CSMD2: variants seen among roughly 807,000 people sequenced by gnomAD.
CSMD2 encodes the protein CUB and Sushi multiple domains 2, also known as CUB and sushi domain-containing protein 2.
Under a neutral mutation model 398.5 loss-of-function variants are expected in CSMD2, and 130 were observed. The ratio of observed to expected loss-of-function variants is 0.33; its 90% CI spans 0.28 to 0.38. CSMD2 has a LOEUF of 0.38. Among genes scored for constraint, CSMD2 ranks in the 10% least tolerant of loss-of-function variants. The pLI, the probability that CSMD2 is intolerant of heterozygous loss-of-function variation, is 1.00. For missense variants in CSMD2, 3,829 were observed against 4,764.9 expected, an observed-to-expected ratio of 0.80 and a Z score of 5.78; for synonymous variants, 1,828 against 1,908.5, an observed-to-expected ratio of 0.96 and a Z score of 1.10.
intron 3 of CSMD2, among the ~76,000 whole-genome samples, chr1:33,952,672 G>GTT (rs1488130969): frequency 7.0e-6 from 1 of 143,620 alleles, no homozygotes; most frequent in East Asian, 2.0e-4. Flanking sequence ...TGTTTTTGTT[G>GTT]TTTACACACA....
At chr1:33,892,588 T>A (rs955016382) in intron 5 of CSMD2, among the ~76,000 whole-genome samples, 17 of 152,206 alleles carry the variant, frequency 1.1e-4, no homozygotes, top group Non-Finnish European at 2.2e-4. Context: ...TTTCCACTCC[T>A]GAGCTACTCC....
At chr1:33,966,386 G>A (rs1645558931) in intron 3 of CSMD2, among the ~76,000 whole-genome samples, 1 of 152,204 alleles carries the variant, frequency 6.6e-6, no homozygotes. Flanking sequence ...CAATTATGCT[G>A]AGGCTTAAAT....
At chr1:33,885,400 A>C (rs1033727) in intron 5 of CSMD2, 1 of 152,078 alleles carries the variant, frequency 6.6e-6, no homozygotes, top group Non-Finnish European at 1.5e-5. Flanking sequence ...TGAACTTAAG[A>C]CCCAGCCACT....
At chr1:33,686,476 A>G (rs1276492841) in intron 25 of CSMD2, among the ~76,000 whole-genome samples, 1 of 152,154 alleles carries the variant, frequency 6.6e-6, no homozygotes, top group African/African-American at 2.4e-5. Flanking sequence ...TGCTGTAGGT[A>G]TTACCAGGGT....
chr1:33,555,708 G>C (rs1362541562), intron 55 of CSMD2, among the ~76,000 whole-genome samples: 1 of 152,132 alleles, frequency 6.6e-6, no homozygotes, highest in Non-Finnish European at 1.5e-5. Context: ...CTTGCTAAGG[G>C]CTCAGATGAT....
chr1:33,902,015 G>A (rs900554143), intron 5 of CSMD2, among the ~76,000 whole-genome samples: 35 of 152,190 alleles, frequency 2.3e-4, no homozygotes, highest in Non-Finnish European at 5.0e-4. Flanking sequence ...GAACACCCAG[G>A]AAAATGGTTA....
intron 1 of CSMD2, among the ~76,000 whole-genome samples, chr1:34,143,617 T>G (rs953737648): frequency 6.6e-6 from 1 of 152,110 alleles, no homozygotes; most frequent in Non-Finnish European, 1.5e-5. Flanking sequence ...AAACTCTATA[T>G]CCCAGAACCC....
At chr1:33,690,665 C>T (rs971165318) in intron 25 of CSMD2, among the ~76,000 whole-genome samples, 4 of 152,188 alleles carry the variant, frequency 2.6e-5, no homozygotes, top group African/African-American at 4.8e-5. Flanking sequence ...ATTATGTTCT[C>T]GATCCACTCA....
chr1:34,160,218 T>A (rs1269992945), intron 1 of CSMD2, among the ~76,000 whole-genome samples: 3 of 152,228 alleles, frequency 2.0e-5, no homozygotes, highest in African/African-American at 7.2e-5. Flanking sequence ...TAATCTCACC[T>A]TCAACAAAGC....
intron 6 of CSMD2, among the ~76,000 whole-genome samples, chr1:33,840,865 G>A (rs1180808441): frequency 6.6e-6 from 1 of 152,188 alleles, no homozygotes; most frequent in Non-Finnish European, 1.5e-5. Flanking sequence ...AGCAGGCCAA[G>A]AATAGGACAA....
intron 5 of CSMD2, among the ~76,000 whole-genome samples, chr1:33,909,857 T>C (rs1217250670): frequency 1.3e-5 from 2 of 152,200 alleles, no homozygotes; most frequent in African/African-American, 4.8e-5. Context: ...TCCAGCCTTA[T>C]CTTCTTCCTT....
At chr1:34,082,398 C>T (rs1001306130) in intron 2 of CSMD2, among the ~76,000 whole-genome samples, 5 of 152,030 alleles carry the variant, frequency 3.3e-5, no homozygotes, top group African/African-American at 4.8e-5. Flanking sequence ...GCCCAGCAGC[C>T]GCCCCGTCTG....
intron 12 of CSMD2, among the ~76,000 whole-genome samples, chr1:33,787,269 T>C (rs982883742): frequency 1.3e-4 from 20 of 152,192 alleles, no homozygotes; most frequent in African/African-American, 4.8e-4. Flanking sequence ...GTCCGTTGTG[T>C]GAAGCCAGCC....
intron 25 of CSMD2, among the ~76,000 whole-genome samples, chr1:33,667,457 G>C (rs749361216): frequency 2.6e-5 from 4 of 152,130 alleles, no homozygotes; most frequent in Non-Finnish European, 5.9e-5. Context: ...CAAGGTCATG[G>C]GCTGGTTAGA....
intron 3 of CSMD2, among the ~76,000 whole-genome samples, chr1:34,000,858 T>A (rs1646878717): frequency 6.7e-6 from 1 of 150,196 alleles, no homozygotes; most frequent in African/African-American, 2.5e-5. Context: ...GCGAAAACCA[T>A]GAAAGATGAG....
At chr1:33,577,174 G>T in intron 49 of CSMD2, 122 bp downstream of exon 49, 1 of 931,514 alleles carries the variant, frequency 1.1e-6, no homozygotes, top group Non-Finnish European at 1.6e-6. Context: ...AAATGCTTGT[G>T]GAAAGAATGA....
At chr1:34,056,177 C>A (rs1312186086) in intron 2 of CSMD2, among the ~76,000 whole-genome samples, 2 of 152,222 alleles carry the variant, frequency 1.3e-5, no homozygotes, top group Admixed American at 1.3e-4. Context: ...CCTGCTATCT[C>A]CCAACTCCCA....
chr1:33,594,199 C>A (rs1297819687), intron 44 of CSMD2, among the ~76,000 whole-genome samples: 4 of 152,184 alleles, frequency 2.6e-5, no homozygotes. Flanking sequence ...TTTTGAGTTA[C>A]TGGTTCATCT....
chr1:33,889,203 A>T (rs1641815738), intron 5 of CSMD2, among the ~76,000 whole-genome samples: 1 of 152,252 alleles, frequency 6.6e-6, no homozygotes, highest in Non-Finnish European at 1.5e-5. Flanking sequence ...ACATGTTAAA[A>T]ATATACAAAG....
Sources: allele counts gnomAD v4.1 joint callset (sites outside exome capture counted in the v4.1 genomes callset), GRCh38; gene constraint gnomAD v4.1.1; transcripts MANE v1.5; gene names NCBI Gene and HGNC (gene_info 2026-07-23, HGNC 2026-07-21).